Variants in NUBPL observed in about 807,000 individuals in gnomAD.
The protein encoded by NUBPL is NUBP iron-sulfur cluster assembly factor, mitochondrial.
NUBPL carries 31 observed loss-of-function variants against 45.7 expected under a neutral mutation model. The observed-to-expected ratio is 0.68, with a 90% CI of 0.51 to 0.92. The LOEUF is 0.92. Ranked by LOEUF, NUBPL falls within the 40% of genes least tolerant of loss-of-function variation. NUBPL has a pLI of 0.00. For synonymous variants in NUBPL, 144 were observed against 140.9 expected (o/e 1.02, Z -0.15); for missense variants, 401 against 398.7 (o/e 1.01, Z -0.05).
At chr14:31,758,581 A>G (rs543982718) in intron 6 of NUBPL, among the ~76,000 whole-genome samples, 13 of 152,290 alleles carry the variant, frequency 8.5e-5, no homozygotes, top group South Asian at 4.1e-4. Flanking sequence ...GTGTGTTTAT[A>G]TGTGATATGA....
At chr14:31,747,119 G>A in intron 6 of NUBPL, among the ~76,000 whole-genome samples, 3 of 143,740 alleles carry the variant, frequency 2.1e-5, no homozygotes, top group African/African-American at 2.6e-5. Flanking sequence ...CAGCAGTAAA[G>A]CGATTCAGTC....
intron 6 of NUBPL, among the ~76,000 whole-genome samples, chr14:31,682,482 T>C (rs2036856811): frequency 6.6e-6 from 1 of 152,210 alleles, no homozygotes; most frequent in South Asian, 2.1e-4. Flanking sequence ...ATCTTTGCCT[T>C]TTAATTGGAA....
intron 8 of NUBPL, among the ~76,000 whole-genome samples, chr14:31,833,254 AG>A (rs1193255422): frequency 6.6e-6 from 1 of 152,098 alleles, no homozygotes; most frequent in Non-Finnish European, 1.5e-5. Context: ...CTGTAGTCCA[AG>A]CTACTCAGGA....
rs1259293983 is a variant in NUBPL at position 31,859,716 on chromosome 14, T to C, written c.*536T>C. On this transcript the variant is annotated 3_prime_UTR_variant, in exon 11 of 11. Transcript: ENST00000281081. ...AGTCTCCAGGAGTGGAGCCTGAACA[T>C]ATGTATTTTTAGTAAGACCATGATG... 1.2e-5 allele frequency: 2 copies of C among 161,962 alleles called. No individual in the cohort carries two copies. Among genetic ancestry groups the C allele is most frequent in the Non-Finnish European group, 2.7e-5 (2 of 72,776 alleles). The allele number at this position is 161,962 out of a possible 1,614,324, so 10.0% of individuals were successfully genotyped here.
intron 7 of NUBPL, among the ~76,000 whole-genome samples, chr14:31,799,376 A>G (rs982975738): frequency 1.3e-5 from 2 of 152,204 alleles, no homozygotes; most frequent in Admixed American, 1.3e-4. Flanking sequence ...GTAGATAATC[A>G]GAAAGATATT....
At chr14:31,618,893 A>C (rs193103435) in intron 4 of NUBPL, among the ~76,000 whole-genome samples, 2 of 152,214 alleles carry the variant, frequency 1.3e-5, no homozygotes, top group African/African-American at 2.4e-5. Context: ...GGGGTGTTAA[A>C]GTGTCCCACT....
chr14:31,600,567 C>T (rs1385996084), intron 4 of NUBPL, among the ~76,000 whole-genome samples: 2 of 152,118 alleles, frequency 1.3e-5, no homozygotes, highest in Non-Finnish European at 2.9e-5. Flanking sequence ...AATGTTACAA[C>T]AAAATGATGT....
intron 4 of NUBPL, among the ~76,000 whole-genome samples, chr14:31,604,110 G>A (rs192902573): frequency 6.8e-6 from 1 of 146,084 alleles, no homozygotes; most frequent in East Asian, 2.1e-4. Flanking sequence ...TAAATTTGAT[G>A]TTTGCAAATT....
chr14:31,810,759 T>C (rs868049361), intron 7 of NUBPL, among the ~76,000 whole-genome samples: 4 of 152,252 alleles, frequency 2.6e-5, no homozygotes, highest in African/African-American at 9.6e-5. Context: ...CTGGTACTTA[T>C]TGTTCCTTTC....
intron 7 of NUBPL, among the ~76,000 whole-genome samples, chr14:31,798,791 CAAAAAAAAAA>C (rs1164176250): frequency 1.9e-5 from 1 of 53,526 alleles, no homozygotes; most frequent in Non-Finnish European, 2.9e-5. Context: ...GACTCCGTCT[CAAAAAAAAAA>C]AAAAAAAAAA....
chr14:31,709,315 G>A (rs1308761569), intron 6 of NUBPL, among the ~76,000 whole-genome samples: 1 of 152,184 alleles, frequency 6.6e-6, no homozygotes, highest in East Asian at 1.9e-4. Flanking sequence ...CCTGAGTTAT[G>A]GTGGACATCA....
chr14:31,562,047 T>C (rs779932098), intron 1 of NUBPL, 21 bp from the exon 2 acceptor site: 2 of 1,551,778 alleles, frequency 1.3e-6, no homozygotes, highest in South Asian at 1.2e-5. Context: ...AACGGCTTTT[T>C]ATTATTATTA....
rs182466765 is a variant in NUBPL, at chr14:31,599,684, A to G, written c.382+305A>G. On this transcript the variant is annotated intron_variant, in intron 4 of 10. Transcript: ENST00000281081. ...AATTTGGGCTATAAGTACATTTAAG[A>G]AAGATTAATAAAAACAATATAATTA... 2.9e-3 allele frequency among the ~76,000 whole-genome samples: 441 copies of G among 152,344 alleles called. 2 individuals carry two copies. The highest frequency in any genetic ancestry group is 9.9e-3 in the African/African-American group (411 of 41,578).
At chr14:31,751,243 A>G (rs1482974005) in intron 6 of NUBPL, among the ~76,000 whole-genome samples, 1 of 152,194 alleles carries the variant, frequency 6.6e-6, no homozygotes, top group Non-Finnish European at 1.5e-5. Flanking sequence ...ATGCACTCCC[A>G]ACAGTTCCCC....
chr14:31,625,717 C>G (rs1463963661), intron 4 of NUBPL, among the ~76,000 whole-genome samples: 1 of 152,132 alleles, frequency 6.6e-6, no homozygotes, highest in Admixed American at 6.5e-5. Context: ...TTCAAGTGAT[C>G]TGCCAGCCTC....
intron 6 of NUBPL, among the ~76,000 whole-genome samples, chr14:31,753,479 A>G (rs761824855): frequency 1.1e-4 from 17 of 152,104 alleles, no homozygotes; most frequent in Non-Finnish European, 2.2e-4. Context: ...TGCCAGGATC[A>G]TGGCTGTCCC....
At chr14:31,851,695 C>T (rs753876328) in intron 10 of NUBPL, among the ~76,000 whole-genome samples, 2 of 152,048 alleles carry the variant, frequency 1.3e-5, no homozygotes, top group Non-Finnish European at 2.9e-5. Flanking sequence ...ATCCCAACTA[C>T]CATAGCTGTA....
intron 8 of NUBPL, among the ~76,000 whole-genome samples, chr14:31,834,702 A>G (rs1473027335): frequency 6.6e-6 from 1 of 152,202 alleles, no homozygotes; most frequent in East Asian, 1.9e-4. Flanking sequence ...TGTGAGTTAC[A>G]TAAATTAAAC....
chr14:31,728,417 A>G (rs1380537248), intron 6 of NUBPL, among the ~76,000 whole-genome samples: 2 of 152,116 alleles, frequency 1.3e-5, no homozygotes, highest in Non-Finnish European at 2.9e-5. Flanking sequence ...TACAGGCGTG[A>G]GCTACTGCAC....
Sources: allele counts gnomAD v4.1 joint callset (sites outside exome capture counted in the v4.1 genomes callset), GRCh38; gene constraint gnomAD v4.1.1; transcripts MANE v1.5; gene names NCBI Gene and HGNC (gene_info 2026-07-23, HGNC 2026-07-21).